Variants in CRMP1 observed in about 807,000 individuals in gnomAD.
CRMP1 encodes the protein collapsin response mediator protein 1.
In CRMP1, 19 loss-of-function variants were observed where a neutral mutation model predicts 68.3. The ratio of observed to expected loss-of-function variants is 0.28; its 90% CI spans 0.19 to 0.41. CRMP1 has a LOEUF of 0.41. Among genes scored for constraint, CRMP1 ranks in the 10% least tolerant of loss-of-function variants. The probability of loss-of-function intolerance (pLI) is 1.00; values close to 1 mark genes in which losing one functional copy is unlikely to be tolerated. For missense variants in CRMP1, 791 were observed against 967.4 expected (o/e 0.82, Z 2.42); for synonymous variants, 439 against 399.6 (o/e 1.10, Z -1.18).
intron 1 of CRMP1, among the ~76,000 whole-genome samples, chr4:5,868,302 TACA>T (rs1714186336): frequency 7.9e-6 from 1 of 126,876 alleles, no homozygotes; most frequent in Non-Finnish European, 1.7e-5. Context: ...TATATATATA[TACA>T]TAATTTTTTT....
intron 10 of CRMP1, 51 bp from the exon 11 acceptor site, chr4:5,836,136 G>C (rs1560491159): frequency 7.2e-7 from 1 of 1,381,002 alleles, no homozygotes; most frequent in Non-Finnish European, 9.5e-7. Flanking sequence ...GGGGCCAGGA[G>C]GAGGGGCAGC....
chr4:5,828,981 A>T (rs1418353569), intron 11 of CRMP1, among the ~76,000 whole-genome samples: 1 of 152,140 alleles, frequency 6.6e-6, no homozygotes, highest in African/African-American at 2.4e-5. Flanking sequence ...TGGACATAAA[A>T]ATAAGTAAAA....
intron 3 of CRMP1, among the ~76,000 whole-genome samples, chr4:5,856,714 G>A (rs111066722): frequency 0.018 from 2,683 of 147,072 alleles, 77 homozygotes; most frequent in African/African-American, 0.064. Context: ...TACCACCACC[G>A]TCATCACTAT....
At chr4:5,852,072 G>C (rs1379129529) in intron 4 of CRMP1, among the ~76,000 whole-genome samples, 1 of 152,218 alleles carries the variant, frequency 6.6e-6, no homozygotes, top group African/African-American at 2.4e-5. Context: ...GGAAGGGTGT[G>C]ATGAGCATCT....
rs540524501 is a variant in CRMP1, at chr4:5,825,236, G to C, written c.1969+258C>G. On this transcript the variant is annotated intron_variant, in intron 13 of 13. Transcript: ENST00000324989. This position sits in a 1 kb window ranked among gnomAD's most constrained non-coding sequence, Gnocchi z 4.4. ...AAATGTGTGTAAGGATGAGCACTGG[G>C]ACAATTTTGGTACCTCTCTTTGTAA... is the stretch of plus-strand genomic sequence containing the variant. 1 of 985,262 alleles carries C rather than the reference G, an allele frequency of 1.0e-6. No individual in the cohort carries two copies. Among genetic ancestry groups the C allele is most frequent in the Admixed American group, 6.1e-5 (1 of 16,262 alleles). The allele number at this position is 985,262 out of a possible 1,614,324, so 61.0% of individuals were successfully genotyped here.
At position 5,870,249 on chromosome 4, in the gene CRMP1, C is replaced by A. The variant is rs1451926929; in HGVS notation, c.382-3493G>T. ...CCCCTGTTTGGGACAACACACACCA[C>A]CACCCTGCCAGCTGGCCCTACATCC... On this transcript the variant is annotated intron_variant, in intron 1 of 13. Coordinates refer to ENST00000324989, the MANE Select transcript of CRMP1 (RefSeq NM_001014809.3). The surrounding 1 kb of genome is among the most constrained non-coding windows in gnomAD (Gnocchi z 6.0). 6.6e-6 allele frequency among the ~76,000 whole-genome samples: 1 copy of A among 152,206 alleles called. No homozygotes were observed. Among genetic ancestry groups the A allele is most frequent in the Non-Finnish European group, 1.5e-5 (1 of 68,038 alleles).
At position 5,868,277 on chromosome 4, in the gene CRMP1, A is replaced by C. The variant is rs1248049032; in HGVS notation, c.382-1521T>G. Among the ~76,000 whole-genome samples, 204 of 78,558 alleles carry C rather than the reference A, an allele frequency of 2.6e-3. 2 individuals are homozygous for C. The highest frequency in any genetic ancestry group is 5.2e-3 in the East Asian group (23 of 4,402). 51.5% of individuals were successfully genotyped at this position (78,558 alleles called of 152,430 possible). A position where few individuals can be genotyped will look rare whatever the true frequency, so the allele number is the denominator to read the frequency against. On this transcript the variant is annotated intron_variant, in intron 1 of 13. Coordinates refer to ENST00000324989, the MANE Select transcript of CRMP1 (RefSeq NM_001014809.3). The stretch of plus-strand genomic sequence containing the variant: ...ACTATATATCTATATATATATATAT[A>C]TATATATATATATATATATATATAT...
At chr4:5,869,576 C>G (rs1380943654) in intron 1 of CRMP1, among the ~76,000 whole-genome samples, 1 of 150,012 alleles carries the variant, frequency 6.7e-6, no homozygotes, top group African/African-American at 2.5e-5. Flanking sequence ...CCCAGCTACT[C>G]AGGAGGCTGA....
rs1413913459 is a variant in CRMP1, at chr4:5,843,723, A to G, written c.964-562T>C. Among the ~76,000 whole-genome samples the G allele has an allele frequency of 2.0e-5, 3 of 152,180 alleles. No individual in the cohort carries two copies. The highest frequency in any genetic ancestry group is 7.2e-5 in the African/African-American group (3 of 41,450). ...GCAGAGTTACTACGCTGATCAGATG[A>G]GCGAGCATACGAAACATGCTCAGCA... On this transcript the variant is annotated intron_variant, in intron 6 of 13. Transcript: ENST00000324989. This position sits in a 1 kb window ranked among gnomAD's most constrained non-coding sequence, Gnocchi z 4.1.
At chr4:5,851,579 G>C in intron 4 of CRMP1, 110 bp from the exon 5 acceptor site, 1 of 1,078,974 alleles carries the variant, frequency 9.3e-7, no homozygotes, top group Non-Finnish European at 1.4e-6. Flanking sequence ...GGAGAGATGA[G>C]TGCCATTGGG....
chr4:5,853,089 G>T lies in CRMP1; in HGVS notation c.821-1620C>A, dbSNP rs147784499. 1.7e-3 allele frequency among the ~76,000 whole-genome samples: 265 copies of T among 152,318 alleles called. No homozygotes were observed. The highest frequency in any genetic ancestry group is 5.8e-3 in the African/African-American group (242 of 41,586). On this transcript the variant is annotated intron_variant, in intron 4 of 13. Transcript: ENST00000324989. The surrounding 1 kb of genome is among the most constrained non-coding windows in gnomAD (Gnocchi z 4.7). The stretch of plus-strand genomic sequence containing the variant: ...TGCAATTTATTCTGGGGATAATGTG[G>T]AATTGCTGAGAGCATTTAAGCTGAT...
At chr4:5,857,355 TATC>T (rs1713217883) in intron 3 of CRMP1, among the ~76,000 whole-genome samples, 2 of 151,454 alleles carry the variant, frequency 1.3e-5, no homozygotes, top group South Asian at 2.1e-4. Flanking sequence ...TCACCACCAT[TATC>T]ATCACCATCA....
chr4:5,870,991 G>A lies in CRMP1; in HGVS notation c.382-4235C>T, dbSNP rs538423360. 8.8e-4 allele frequency among the ~76,000 whole-genome samples: 134 copies of A among 152,250 alleles called. No individual in the cohort carries two copies. Among genetic ancestry groups the A allele is most frequent in the Non-Finnish European group, 7.2e-4 (49 of 68,020 alleles). On this transcript the variant is annotated intron_variant, in intron 1 of 13. Transcript: ENST00000324989. The surrounding 1 kb of genome is among the most constrained non-coding windows in gnomAD (Gnocchi z 6.0). ...TGTCACTATTAATAGGGGGCTTTTC[G>A]GGCTCAGCCCGAAAGGTGGTATTTT...
chr4:5,880,713 G>A (rs1051407155), intron 1 of CRMP1, among the ~76,000 whole-genome samples: 18 of 152,098 alleles, frequency 1.2e-4, no homozygotes, highest in African/African-American at 3.1e-4. Flanking sequence ...CCTTCTTTTC[G>A]CTTTGAGCTC....
rs1467566261 is a variant in CRMP1, at chr4:5,853,079, G to T, written c.821-1610C>A. Among the ~76,000 whole-genome samples the T allele has an allele frequency of 2.6e-5, 4 of 152,158 alleles. No individual in the cohort carries two copies. Among genetic ancestry groups the T allele is most frequent in the Non-Finnish European group, 5.9e-5 (4 of 68,034 alleles). The stretch of plus-strand genomic sequence containing the variant: ...GCAGACAGCTTGCAATTTATTCTGG[G>T]GATAATGTGGAATTGCTGAGAGCAT... On this transcript the variant is annotated intron_variant, in intron 4 of 13. Coordinates refer to ENST00000324989, the MANE Select transcript of CRMP1 (RefSeq NM_001014809.3). The surrounding 1 kb of genome is among the most constrained non-coding windows in gnomAD (Gnocchi z 4.7).
In CRMP1 at chr4:5,870,667, C is replaced by A. The variant is rs1577828505; in HGVS notation, c.382-3911G>T. On this transcript the variant is annotated intron_variant, in intron 1 of 13. Transcript: ENST00000324989. The surrounding 1 kb of genome is among the most constrained non-coding windows in gnomAD (Gnocchi z 6.0). The stretch of plus-strand genomic sequence containing the variant: ...CGAGGAAGACCAGTGTGAAGAGGCA[C>A]ATCCCGTTCTTCAGCAGGAGGGTCT... Among the ~76,000 whole-genome samples the A allele has an allele frequency of 6.6e-6, 1 of 152,230 alleles. No homozygotes were observed. Among genetic ancestry groups the A allele is most frequent in the African/African-American group, 2.4e-5 (1 of 41,472 alleles).
chr4:5,840,353 T>A (rs1194017763), intron 8 of CRMP1, among the ~76,000 whole-genome samples: 1 of 152,212 alleles, frequency 6.6e-6, no homozygotes, highest in Admixed American at 6.5e-5. Context: ...CAGAAAAGCC[T>A]GCAGGCAGAG....
chr4:5,857,729 A>G (rs1256745835), intron 3 of CRMP1, among the ~76,000 whole-genome samples: 7 of 152,076 alleles, frequency 4.6e-5, no homozygotes, highest in African/African-American at 1.7e-4. Context: ...GTTATCCAAG[A>G]CCTGTCAGAC....
rs954792349 is a variant in CRMP1 at position 5,875,760 on chromosome 4, G to A, written c.382-9004C>T. The stretch of plus-strand genomic sequence containing the variant: ...CTGAATTGACATGGACACAGAGACC[G>A]TGAGTTTTCTCCAAACCCTGATGCT... On this transcript the variant is annotated intron_variant, in intron 1 of 13. Coordinates refer to ENST00000324989, the MANE Select transcript of CRMP1 (RefSeq NM_001014809.3). 2.4e-4 allele frequency among the ~76,000 whole-genome samples: 36 copies of A among 152,200 alleles called. 1 individual carries two copies. Among genetic ancestry groups the A allele is most frequent in the East Asian group, 3.9e-4 (2 of 5,174 alleles).
Sources: allele counts gnomAD v4.1 joint callset (sites outside exome capture counted in the v4.1 genomes callset), GRCh38; gene constraint gnomAD v4.1.1; non-coding constraint Gnocchi (gnomAD v3.1); transcripts MANE v1.5; gene names NCBI Gene and HGNC (gene_info 2026-07-23, HGNC 2026-07-21).